The following ERP44 variants were observed in gnomAD, a reference collection of about 807,000 sequenced individuals.
ERP44 encodes endoplasmic reticulum resident protein 44.
Under a neutral mutation model 53.4 loss-of-function variants are expected in ERP44, and 25 were observed. The observed-to-expected ratio is 0.47, with a 90% CI of 0.34 to 0.65. The LOEUF is 0.65. Among genes scored for constraint, ERP44 ranks in the 30% least tolerant of loss-of-function variants. The pLI, the probability that ERP44 is intolerant of heterozygous loss-of-function variation, is 0.01. For synonymous variants in ERP44, 145 were observed against 161.2 expected (o/e 0.90, Z 0.76); for missense variants, 338 against 493.2 (o/e 0.69, Z 2.98).
chr9:100,091,926 C>T (rs1380566521), intron 1 of ERP44, among the ~76,000 whole-genome samples: 3 of 152,150 alleles, frequency 2.0e-5, no homozygotes, highest in South Asian at 2.1e-4. Context: ...CTACAAACAC[C>T]TTTGGCATCC....
intron 1 of ERP44, among the ~76,000 whole-genome samples, chr9:100,086,337 A>T (rs900697342): frequency 5.3e-5 from 8 of 152,370 alleles, no homozygotes; most frequent in African/African-American, 1.9e-4. Flanking sequence ...GAAAGAGACA[A>T]GTTAACAAAT....
chr9:100,064,124 T>A (rs1826185934), intron 1 of ERP44, among the ~76,000 whole-genome samples: 1 of 152,228 alleles, frequency 6.6e-6, no homozygotes, highest in Non-Finnish European at 1.5e-5. Context: ...AACATATTAT[T>A]CTGTCTTTAA....
intron 1 of ERP44, among the ~76,000 whole-genome samples, chr9:100,076,527 C>T (rs192895832): frequency 7.9e-4 from 121 of 152,268 alleles, no homozygotes; most frequent in African/African-American, 2.6e-3. Context: ...TAAAGGACAG[C>T]GGAGAAGGGA....
At chr9:100,073,537 G>A (rs1826326355) in intron 1 of ERP44, among the ~76,000 whole-genome samples, 1 of 152,144 alleles carries the variant, frequency 6.6e-6, no homozygotes. Context: ...ATCTAAGGCT[G>A]CTTTTGATTC....
chr9:100,000,623 T>C (rs1003803179), intron 10 of ERP44, among the ~76,000 whole-genome samples: 2 of 152,126 alleles, frequency 1.3e-5, no homozygotes, highest in Non-Finnish European at 2.9e-5. Flanking sequence ...GTAGATTGTA[T>C]GTGCCTAGTA....
intron 1 of ERP44, among the ~76,000 whole-genome samples, chr9:100,071,262 C>T (rs922394601): frequency 5.3e-5 from 8 of 151,908 alleles, no homozygotes; most frequent in African/African-American, 1.7e-4. Context: ...ATCCAGCAAA[C>T]ATATAACATT....
intron 10 of ERP44, among the ~76,000 whole-genome samples, chr9:99,999,273 C>T (rs1426478309): frequency 6.7e-6 from 1 of 149,450 alleles, no homozygotes; most frequent in African/African-American, 2.5e-5. Flanking sequence ...ACTGTCTATT[C>T]ATGTCCTTAG....
At chr9:100,081,704 T>G (rs1294555019) in intron 1 of ERP44, among the ~76,000 whole-genome samples, 2 of 152,130 alleles carry the variant, frequency 1.3e-5, no homozygotes, top group Non-Finnish European at 2.9e-5. Context: ...AAAGCCATAA[T>G]CACGTCTATT....
chr9:100,066,318 T>C (rs189268257), intron 1 of ERP44, among the ~76,000 whole-genome samples: 4 of 152,306 alleles, frequency 2.6e-5, no homozygotes, highest in African/African-American at 9.6e-5. Flanking sequence ...GAGATGTACA[T>C]AGATGTTAAT....
chr9:100,062,294 T>C (rs1378444936), intron 1 of ERP44, among the ~76,000 whole-genome samples: 2 of 152,242 alleles, frequency 1.3e-5, no homozygotes, highest in South Asian at 2.1e-4. Flanking sequence ...CTTGTTAATC[T>C]ACCTTTTATT....
chr9:100,078,343 A>G (rs1288287732), intron 1 of ERP44, among the ~76,000 whole-genome samples: 1 of 151,796 alleles, frequency 6.6e-6, no homozygotes, highest in African/African-American at 2.4e-5. Flanking sequence ...CTGTAATCCC[A>G]GCTACTCAGG....
At chr9:99,994,423 GTT>G (rs1830288049) in intron 10 of ERP44, among the ~76,000 whole-genome samples, 1 of 116,036 alleles carries the variant, frequency 8.6e-6, no homozygotes, top group Non-Finnish European at 1.9e-5. Context: ...AACACTGCAT[GTT>G]CTCACTCACA....
At chr9:100,045,576 G>GA (rs1564096879) in intron 4 of ERP44, among the ~76,000 whole-genome samples, 1 of 152,130 alleles carries the variant, frequency 6.6e-6, no homozygotes, top group Admixed American at 6.6e-5. Flanking sequence ...AAGTAGTAGG[G>GA]TTTTTTCCCA....
At chr9:100,081,070 G>A (rs1415255508) in intron 1 of ERP44, among the ~76,000 whole-genome samples, 1 of 151,628 alleles carries the variant, frequency 6.6e-6, no homozygotes, top group African/African-American at 2.4e-5. Context: ...ATCTATATCA[G>A]TAATTATAAA....
chr9:99,999,066 G>T, intron 10 of ERP44: 2 of 732,168 alleles, frequency 2.7e-6, no homozygotes. Flanking sequence ...GCGGATGACC[G>T]CCTGCAGGGA....
At chr9:100,028,044 T>A (rs1032655635) in intron 4 of ERP44, among the ~76,000 whole-genome samples, 1 of 152,206 alleles carries the variant, frequency 6.6e-6, no homozygotes, top group African/African-American at 2.4e-5. Context: ...GCACATAAAG[T>A]CTTCACTTCA....
chr9:100,068,396 C>A (rs1231150339), intron 1 of ERP44, among the ~76,000 whole-genome samples: 2 of 95,262 alleles, frequency 2.1e-5, no homozygotes, highest in African/African-American at 3.6e-5. Flanking sequence ...GGTCAGCCCC[C>A]TGCCCGGCCA....
intron 8 of ERP44, among the ~76,000 whole-genome samples, chr9:100,008,656 T>C (rs1830442375): frequency 6.6e-6 from 1 of 152,228 alleles, no homozygotes; most frequent in Non-Finnish European, 1.5e-5. Flanking sequence ...TTCTTCTGGC[T>C]CTCATCTCCA....
intron 4 of ERP44, among the ~76,000 whole-genome samples, chr9:100,026,370 A>G (rs551015812): frequency 1.3e-5 from 2 of 152,356 alleles, no homozygotes; most frequent in South Asian, 4.1e-4. Flanking sequence ...CTAGACATTA[A>G]AAGAAAAACA....
Sources: allele counts gnomAD v4.1 joint callset (sites outside exome capture counted in the v4.1 genomes callset), GRCh38; gene constraint gnomAD v4.1.1; transcripts MANE v1.5; gene names NCBI Gene and HGNC (gene_info 2026-07-23, HGNC 2026-07-21).